EXOG: variants seen among roughly 807,000 people sequenced by gnomAD.
EXOG encodes the protein exo/endonuclease G, also known as nuclease EXOG, mitochondrial.
Under a neutral mutation model 25.8 loss-of-function variants are expected in EXOG, and 27 were observed. That is an observed-to-expected ratio of 1.05 (90% confidence interval 0.77 to 1.45). EXOG has a LOEUF of 1.45. EXOG is among the 40% of genes most tolerant of loss of function. The pLI, the probability that EXOG is intolerant of heterozygous loss-of-function variation, is 0.00. For synonymous variants in EXOG, 133 were observed against 167.0 expected, an observed-to-expected ratio of 0.80 and a Z score of 1.57; for missense variants, 458 against 450.5, an observed-to-expected ratio of 1.02 and a Z score of -0.15.
chr3:38,504,424 C>G (rs2060137652), intron 4 of EXOG, among the ~76,000 whole-genome samples: 1 of 151,888 alleles, frequency 6.6e-6, no homozygotes, highest in Admixed American at 6.6e-5. Flanking sequence ...TAACTATTAA[C>G]CAGTTTTTTT....
chr3:38,506,605 T>G (rs189940264), intron 4 of EXOG, among the ~76,000 whole-genome samples: 1 of 152,350 alleles, frequency 6.6e-6, no homozygotes, highest in East Asian at 1.9e-4. Flanking sequence ...AATTCCAGAA[T>G]GTACTCTGAG....
At chr3:38,498,248 G>A (rs1029231112) in intron 2 of EXOG, among the ~76,000 whole-genome samples, 11 of 152,172 alleles carry the variant, frequency 7.2e-5, no homozygotes, top group African/African-American at 2.7e-4. Context: ...AGTTAGTGTA[G>A]TATAATTAAG....
intron 2 of EXOG, among the ~76,000 whole-genome samples, chr3:38,500,445 C>T (rs1377980508): frequency 6.6e-6 from 1 of 152,130 alleles, no homozygotes; most frequent in Non-Finnish European, 1.5e-5. Flanking sequence ...TAGAAATTTA[C>T]TAATGATAAA....
chr3:38,518,830 A>G (rs1298227740), intron 5 of EXOG, among the ~76,000 whole-genome samples: 4 of 152,230 alleles, frequency 2.6e-5, no homozygotes, highest in East Asian at 1.9e-4. Context: ...TTTTATAGAC[A>G]AGAAAATCAA....
intron 5 of EXOG, among the ~76,000 whole-genome samples, chr3:38,521,516 G>C (rs2060715016): frequency 6.6e-6 from 1 of 152,228 alleles, no homozygotes; most frequent in Non-Finnish European, 1.5e-5. Context: ...TAGACAAGGA[G>C]TCCATGAGGA....
chr3:38,520,664 T>C (rs573345847), intron 5 of EXOG, among the ~76,000 whole-genome samples: 24 of 152,358 alleles, frequency 1.6e-4, no homozygotes, highest in Middle Eastern at 3.4e-3. Flanking sequence ...ATCTTTTGAA[T>C]GATGTCCACT....
chr3:38,506,999 A>T (rs746156085), intron 5 of EXOG, 31 bp downstream of exon 5: 13 of 936,966 alleles, frequency 1.4e-5, no homozygotes, highest in Non-Finnish European at 1.9e-5. Flanking sequence ...GGTTTATGTT[A>T]TCTGTATGAG....
chr3:38,516,285 C>G (rs975910908), intron 5 of EXOG, among the ~76,000 whole-genome samples: 1 of 151,842 alleles, frequency 6.6e-6, no homozygotes, highest in Non-Finnish European at 1.5e-5. Flanking sequence ...AACTGGAAAC[C>G]CTACTTTAAT....
At position 38,524,505 on chromosome 3, in the gene EXOG, G is replaced by C; in HGVS notation, c.*143G>C. The C allele has an allele frequency of 7.3e-7, 1 of 1,378,524 alleles. No homozygotes were observed. Among genetic ancestry groups the C allele is most frequent in the Non-Finnish European group, 9.5e-7 (1 of 1,052,432 alleles). The allele number at this position is 1,378,524 out of a possible 1,614,324, so 85.4% of individuals were successfully genotyped here. On this transcript the variant is annotated 3_prime_UTR_variant, in exon 6 of 6. Transcript: ENST00000287675. ...TGGTCTCGCCGTGTCATCCAGGCTG[G>C]AGTGCAGTGGTGGAATCATAGCTCA...
intron 5 of EXOG, among the ~76,000 whole-genome samples, chr3:38,507,203 C>T (rs2060227748): frequency 6.6e-6 from 1 of 152,166 alleles, no homozygotes; most frequent in South Asian, 2.1e-4. Context: ...GAGTGGAAAA[C>T]AGATGTTAAC....
At chr3:38,501,134 G>T in intron 2 of EXOG, 1 of 385,344 alleles carries the variant, frequency 2.6e-6, no homozygotes, top group African/African-American at 2.1e-5. Flanking sequence ...AAAATTATAT[G>T]AGATAGCTAC....
intron 5 of EXOG, chr3:38,513,624 T>C (rs1236852775): frequency 6.6e-6 from 1 of 152,228 alleles, no homozygotes; most frequent in Non-Finnish European, 1.5e-5. Flanking sequence ...AAAGGTAAAT[T>C]AGTTTTTTCG....
At chr3:38,504,765 A>G (rs977798765) in intron 4 of EXOG, among the ~76,000 whole-genome samples, 1 of 152,218 alleles carries the variant, frequency 6.6e-6, no homozygotes, top group African/African-American at 2.4e-5. Flanking sequence ...GAACCTAACT[A>G]TAAAATAATC....
At chr3:38,499,072 T>C (rs1378269997) in intron 2 of EXOG, 2 of 421,382 alleles carry the variant, frequency 4.7e-6, no homozygotes, top group African/African-American at 4.1e-5. Flanking sequence ...ATGCTGTGAA[T>C]TAGTCTTTTT....
chr3:38,496,593 A>G, intron 1 of EXOG, 63 bp downstream of exon 1: 2 of 1,565,190 alleles, frequency 1.3e-6, no homozygotes, highest in African/African-American at 1.3e-5. Context: ...TCCTACCTGG[A>G]GTGTGAATGG....
At chr3:38,515,670 T>C (rs2284819) in intron 5 of EXOG, 91,628 of 157,986 alleles carry the variant, frequency 0.58, 29,488 homozygotes, top group African/African-American at 0.86. Flanking sequence ...TCAGGCCCGC[T>C]ACACCCATCA....
intron 5 of EXOG, chr3:38,523,171 A>G: frequency 7.8e-7 from 1 of 1,282,144 alleles, no homozygotes. Flanking sequence ...TTTTATTTCT[A>G]GAGCTGGGAG....
Position 38,526,005 on chromosome 3 carries a change from C to T in EXOG, c.*1643C>T, listed in dbSNP as rs1314637979. The T allele has an allele frequency of 2.7e-5, 27 of 985,288 alleles. No homozygotes were observed. Among genetic ancestry groups the T allele is most frequent in the Non-Finnish European group, 3.0e-5 (25 of 829,934 alleles). 61.0% of individuals were successfully genotyped at this position (985,288 alleles called of 1,614,324 possible). Reference sequence around the variant, plus strand: ...AAAATCACTAGCTTATTATTTGCTTCCTGTGTGCCTGCTTGTCTACCTAGC... The same window carrying T: ...AAAATCACTAGCTTATTATTTGCTTTCTGTGTGCCTGCTTGTCTACCTAGC... On this transcript the variant is annotated 3_prime_UTR_variant, in exon 6 of 6. Coordinates refer to ENST00000287675, the MANE Select transcript of EXOG (RefSeq NM_005107.4).
intron 5 of EXOG, among the ~76,000 whole-genome samples, chr3:38,511,903 C>T (rs2060381495): frequency 6.6e-6 from 1 of 152,192 alleles, no homozygotes; most frequent in Non-Finnish European, 1.5e-5. Context: ...TAAATATTAG[C>T]TACTATTACT....
Sources: gnomAD v4.1 joint callset for allele counts (sites outside exome capture counted in the v4.1 genomes callset) on GRCh38, gnomAD v4.1.1 for gene constraint, MANE v1.5 for transcripts, NCBI Gene and HGNC (gene_info 2026-07-23, HGNC 2026-07-21) for gene names.